The following PPP4R1 variants were observed in gnomAD, a reference collection of about 807,000 sequenced individuals.
PPP4R1 encodes the protein serine/threonine-protein phosphatase 4 regulatory subunit 1.
In PPP4R1, 42 loss-of-function variants were observed where a neutral mutation model predicts 111.2. The observed-to-expected ratio is 0.38, with a 90% confidence interval of 0.29 to 0.49. PPP4R1 has a LOEUF of 0.49. PPP4R1 is among the 20% of genes least tolerant of loss of function. The probability of loss-of-function intolerance (pLI) is 0.97; values close to 1 mark genes in which losing one functional copy is unlikely to be tolerated. For synonymous variants in PPP4R1, 409 were observed against 405.5 expected, an observed-to-expected ratio of 1.01 and a Z score of -0.10; for missense variants, 1,012 against 1,161.6, an observed-to-expected ratio of 0.87 and a Z score of 1.87.
In PPP4R1 at chr18:9,614,519, G is replaced by T; in HGVS notation, c.-35C>A. The T allele has an allele frequency of 4.9e-6, 5 of 1,015,246 alleles. No individual in the cohort carries two copies. Among genetic ancestry groups the T allele is most frequent in the Non-Finnish European group, 5.9e-6 (5 of 850,736 alleles). 62.9% of individuals were successfully genotyped at this position (1,015,246 alleles called of 1,614,324 possible). Reference sequence around the variant, plus strand: ...GCCCCCTCCTCCGCGGCCGCCCGGGGAGCCGGGGCTACATGGAGCGGCGCG... The same window carrying T: ...GCCCCCTCCTCCGCGGCCGCCCGGGTAGCCGGGGCTACATGGAGCGGCGCG... On this transcript the variant is annotated 5_prime_UTR_variant, in exon 1 of 20. Coordinates refer to ENST00000400556, the MANE Select transcript of PPP4R1 (RefSeq NM_001042388.3). This position sits in a 1 kb window ranked among gnomAD's most constrained non-coding sequence, Gnocchi z 4.1.
At chr18:9,610,660 C>A (rs568382480) in intron 2 of PPP4R1, among the ~76,000 whole-genome samples, 56 of 152,140 alleles carry the variant, frequency 3.7e-4, no homozygotes, top group African/African-American at 1.3e-3. Flanking sequence ...GACATTTCAC[C>A]ATGTTGGCCA....
chr18:9,612,176 T>C (rs770679801), intron 2 of PPP4R1, among the ~76,000 whole-genome samples: 7 of 152,192 alleles, frequency 4.6e-5, no homozygotes, highest in Non-Finnish European at 8.8e-5. Flanking sequence ...TTACCAGGAA[T>C]TGTTCCAAGT....
intron 19 of PPP4R1, among the ~76,000 whole-genome samples, chr18:9,548,693 G>C (rs2144952363): frequency 6.6e-6 from 1 of 152,270 alleles, no homozygotes; most frequent in Middle Eastern, 3.4e-3. Context: ...GAGGCAGGCA[G>C]ATCACATGAG....
intron 2 of PPP4R1, among the ~76,000 whole-genome samples, chr18:9,613,092 G>A (rs2067610120): frequency 6.6e-6 from 1 of 152,164 alleles, no homozygotes; most frequent in East Asian, 1.9e-4. Flanking sequence ...TACTTATACA[G>A]GTACTAGACA....
At chr18:9,599,486 C>T (rs905146880) in intron 2 of PPP4R1, 3 of 152,158 alleles carry the variant, frequency 2.0e-5, no homozygotes, top group Non-Finnish European at 2.9e-5. Flanking sequence ...GATTTAAACA[C>T]AACCATATCA....
At chr18:9,569,207 AAAG>A (rs1265537474) in intron 11 of PPP4R1, among the ~76,000 whole-genome samples, 1 of 151,918 alleles carries the variant, frequency 6.6e-6, no homozygotes, top group East Asian at 1.9e-4. Context: ...AAAAAAAAAA[AAAG>A]AAGAAAACCG....
intron 9 of PPP4R1, among the ~76,000 whole-genome samples, chr18:9,580,646 AG>A (rs945355492): frequency 1.4e-4 from 22 of 152,120 alleles, no homozygotes; most frequent in African/African-American, 4.8e-4. Context: ...CACCGCGCCC[AG>A]CTGACCATTC....
chr18:9,571,666 T>C (rs897415085), intron 10 of PPP4R1, among the ~76,000 whole-genome samples: 2 of 152,034 alleles, frequency 1.3e-5, no homozygotes, highest in African/African-American at 4.8e-5. Flanking sequence ...GAAGAACCAA[T>C]ACATGTTTAT....
intron 12 of PPP4R1, chr18:9,562,801 G>GT (rs2066700284): frequency 1.1e-6 from 1 of 903,854 alleles, no homozygotes; most frequent in African/African-American, 1.8e-5. Flanking sequence ...TATAAACAAT[G>GT]GCTAAGCAGC....
chr18:9,583,410 A>C (rs2067063832), intron 8 of PPP4R1, 135 bp from the exon 9 acceptor site: 7 of 934,238 alleles, frequency 7.5e-6, no homozygotes, highest in African/African-American at 1.7e-5. Flanking sequence ...TCTTTTGCCC[A>C]GGCTGGAGTG....
chr18:9,571,440 G>A (rs1568100959), intron 10 of PPP4R1, among the ~76,000 whole-genome samples: 1 of 152,178 alleles, frequency 6.6e-6, no homozygotes, highest in Non-Finnish European at 1.5e-5. Context: ...CACCTACTAA[G>A]AGCCAGGAAA....
At chr18:9,600,196 CAAAAAAAA>C (rs57840721) in intron 2 of PPP4R1, among the ~76,000 whole-genome samples, 1 of 109,286 alleles carries the variant, frequency 9.2e-6, no homozygotes, top group Non-Finnish European at 1.9e-5. Flanking sequence ...TTCTATTTCC[CAAAAAAAA>C]AAAAAAAAAA....
At chr18:9,594,936 A>G in intron 3 of PPP4R1, 82 bp downstream of exon 3, 1 of 1,502,350 alleles carries the variant, frequency 6.7e-7, no homozygotes, top group Non-Finnish European at 9.1e-7. Flanking sequence ...ACCTCCTTTA[A>G]AGTGGATACT....
In PPP4R1 at chr18:9,563,438, CTCATTTATATCCAGT is replaced by C. The variant is rs779155842; in HGVS notation, c.1671_1685del (p.Asp559_Leu563del). ...CTTGATTTATTTTACAATTTGGTAG[CTCATTTATATCCAGT>C]TCATCTTGCAAATCACTTCTCTTTT... On this transcript the variant is annotated inframe_deletion, in exon 12 of 20. Transcript: ENST00000400556. 2.5e-6 allele frequency: 4 copies of C among 1,612,290 alleles called. No homozygotes were observed. Among genetic ancestry groups the C allele is most frequent in the Non-Finnish European group, 2.5e-6 (3 of 1,178,750 alleles).
At chr18:9,587,394 C>CTTTCT (rs2067135842) in intron 6 of PPP4R1, 3 of 129,660 alleles carry the variant, frequency 2.3e-5, no homozygotes, top group Non-Finnish European at 4.9e-5. Context: ...TTCTTTCTTT[C>CTTTCT]TTTTTTTTTT....
intron 9 of PPP4R1, among the ~76,000 whole-genome samples, chr18:9,580,718 A>G: frequency 6.6e-6 from 1 of 152,158 alleles, no homozygotes; most frequent in East Asian, 1.9e-4. Flanking sequence ...AGCCAAGCAC[A>G]CTGGGGTCTG....
rs142561900 is a variant in PPP4R1 at position 9,581,228 on chromosome 18, G to A, written c.918+1889C>T. ...AAGAGACAGGCAACAGAAACTGATT[G>A]TGAGAGCAATCAGATTTCAGACTTA... On this transcript the variant is annotated intron_variant, in intron 9 of 19. Coordinates refer to ENST00000400556, the MANE Select transcript of PPP4R1 (RefSeq NM_001042388.3). 2.4e-4 allele frequency among the ~76,000 whole-genome samples: 37 copies of A among 151,722 alleles called. No individual in the cohort carries two copies. In the East Asian group the frequency reaches 5.6e-3, roughly 23 times the overall value.
intron 16 of PPP4R1, chr18:9,550,877 C>A (rs1258271495): frequency 1.3e-5 from 2 of 154,610 alleles, no homozygotes; most frequent in African/African-American, 4.8e-5. Context: ...CCTCCAGCAA[C>A]CTTCCCATCA....
In PPP4R1 at chr18:9,580,745, G is replaced by A. The variant is rs140420097; in HGVS notation, c.918+2372C>T. ...TGGGGTCTGCTCTCCCGCAGCTCCC[G>A]GGCACAGGCTGCATCGCTCCAGCTA... On this transcript the variant is annotated intron_variant, in intron 9 of 19. Transcript: ENST00000400556. Among the ~76,000 whole-genome samples the A allele has an allele frequency of 5.0e-4, 76 of 152,272 alleles. No homozygotes were observed. The East Asian group carries it at 0.011, about 23-fold the overall frequency.
Sources: allele counts gnomAD v4.1 joint callset (sites outside exome capture counted in the v4.1 genomes callset), GRCh38; gene constraint gnomAD v4.1.1; non-coding constraint Gnocchi (gnomAD v3.1); transcripts MANE v1.5; gene names NCBI Gene and HGNC (gene_info 2026-07-23, HGNC 2026-07-21).